CLEC12A: variants seen among roughly 807,000 people sequenced by gnomAD.
CLEC12A encodes the protein C-type lectin protein CLL-1.
A neutral mutation model predicts 26.5 loss-of-function variants in CLEC12A; 22 were observed. The ratio of observed to expected loss-of-function variants is 0.83; its 90% CI spans 0.59 to 1.19. The LOEUF (loss-of-function observed/expected upper bound fraction) is 1.19. Among genes scored for constraint, CLEC12A ranks in the 50% most tolerant of loss-of-function variants. The pLI, the probability that CLEC12A is intolerant of heterozygous loss-of-function variation, is 0.00. For synonymous variants in CLEC12A, 119 were observed against 101.9 expected, an observed-to-expected ratio of 1.17 and a Z score of -1.01; for missense variants, 353 against 315.6, an observed-to-expected ratio of 1.12 and a Z score of -0.90.
intron 5 of CLEC12A, among the ~76,000 whole-genome samples, chr12:9,983,240 T>G (rs954759633): frequency 6.6e-6 from 1 of 152,128 alleles, no homozygotes; most frequent in African/African-American, 2.4e-5. Context: ...CCATAGAGTT[T>G]ACACTAACTT....
chr12:9,997,903 A>G (rs2137244050), downstream of CLEC12A, among the ~76,000 whole-genome samples: 1 of 152,302 alleles, frequency 6.6e-6, no homozygotes, highest in South Asian at 2.1e-4. Flanking sequence ...TAGAATGAGA[A>G]AAATTTCAGA....
At chr12:9,957,300 C>T (rs1863756718) in intron 1 of CLEC12A, among the ~76,000 whole-genome samples, 1 of 151,884 alleles carries the variant, frequency 6.6e-6, no homozygotes, top group Non-Finnish European at 1.5e-5. Flanking sequence ...CTAGCCTGAC[C>T]AACATGGACA....
At position 9,961,502 on chromosome 12, in the gene CLEC12A, G is replaced by A. The variant is rs557437299; in HGVS notation, c.11-10075G>A. ...CAGAATAAAGCCAATCCTAGTCATA[G>A]CATTGCAACTTGTATCAGATGAAAG... On this transcript the variant is annotated intron_variant, in intron 1 of 6. Coordinates refer to the CLEC12A transcript ENST00000355690. Among the ~76,000 whole-genome samples, 77 of 152,240 alleles carry A rather than the reference G, an allele frequency of 5.1e-4. 2 individuals carry two copies. The South Asian group carries it at 0.015, about 29-fold the overall frequency.
At chr12:9,988,622 A>G (rs1173201633), downstream of CLEC12A, among the ~76,000 whole-genome samples, 1 of 152,264 alleles carries the variant, frequency 6.6e-6, no homozygotes, top group Non-Finnish European at 1.5e-5. Flanking sequence ...AGTGCTCATC[A>G]TCACTGGCCA....
chr12:9,966,908 A>G (rs1270961115), upstream of CLEC12A, among the ~76,000 whole-genome samples: 2 of 127,070 alleles, frequency 1.6e-5, no homozygotes, highest in Non-Finnish European at 3.3e-5. Flanking sequence ...ATTATATTTG[A>G]TGAAAAAGAG....
downstream of CLEC12A, among the ~76,000 whole-genome samples, chr12:9,998,698 A>G (rs1380362977): frequency 6.6e-6 from 1 of 151,996 alleles, no homozygotes; most frequent in African/African-American, 2.4e-5. Context: ...CATGCCATAA[A>G]TAATTGCTTT....
Position 9,985,283 on chromosome 12 carries a change from A to G in CLEC12A, c.*257A>G, listed in dbSNP as rs1864734546. 7.5e-6 allele frequency: 3 copies of G among 402,540 alleles called. No individual in the cohort carries two copies. Among genetic ancestry groups the G allele is most frequent in the Non-Finnish European group, 1.3e-5 (3 of 233,142 alleles). 24.9% of individuals were successfully genotyped at this position (402,540 alleles called of 1,614,324 possible). A position where few individuals can be genotyped will look rare whatever the true frequency, so the allele number is the denominator to read the frequency against. On this transcript the variant is annotated 3_prime_UTR_variant, in exon 6 of 6. Transcript: ENST00000304361. ...CTGGAGGAAGAGGAAGTCCATTCAG[A>G]TAGTTGTGGGGGGCCTTCGAATTTT...
chr12:9,973,039 T>G (rs1294163980), intron 1 of CLEC12A, among the ~76,000 whole-genome samples: 1 of 152,216 alleles, frequency 6.6e-6, no homozygotes, highest in Admixed American at 6.5e-5. Flanking sequence ...TTCATGTTCT[T>G]AATCTCATCT....
At chr12:9,963,648 AT>A (rs1427808945) in intron 1 of CLEC12A, among the ~76,000 whole-genome samples, 1 of 152,128 alleles carries the variant, frequency 6.6e-6, no homozygotes, top group African/African-American at 2.4e-5. Context: ...TGCAAATTGA[AT>A]TTTAGGAGTA....
chr12:9,964,815 T>A (rs1399414866), intron 1 of CLEC12A, among the ~76,000 whole-genome samples: 1 of 152,144 alleles, frequency 6.6e-6, no homozygotes, highest in East Asian at 1.9e-4. Flanking sequence ...GTGGAACTAC[T>A]ATGAATAAAC....
intron 1 of CLEC12A, among the ~76,000 whole-genome samples, chr12:9,974,258 G>T (rs1284428086): frequency 6.6e-6 from 1 of 152,052 alleles, no homozygotes; most frequent in Non-Finnish European, 1.5e-5. Context: ...CACCATGCCT[G>T]CCTCTCCTCA....
chr12:9,973,866 C>T (rs1009859093), intron 1 of CLEC12A, among the ~76,000 whole-genome samples: 1 of 151,946 alleles, frequency 6.6e-6, no homozygotes, highest in Non-Finnish European at 1.5e-5. Context: ...CTTTTTGGTG[C>T]ACCAACATAC....
intron 1 of CLEC12A, among the ~76,000 whole-genome samples, chr12:9,959,537 A>G (rs1257501133): frequency 6.6e-6 from 1 of 151,840 alleles, no homozygotes; most frequent in East Asian, 1.9e-4. Context: ...AATGGTAATG[A>G]GTCCCTGGCA....
the CLEC12A span, among the ~76,000 whole-genome samples, chr12:10,001,826 T>G: frequency 6.6e-6 from 1 of 152,138 alleles, no homozygotes; most frequent in African/African-American, 2.4e-5. Context: ...TGCTTGAATA[T>G]CTTATTCTCT....
At chr12:10,000,458 T>G (rs112933488), downstream of CLEC12A, among the ~76,000 whole-genome samples, 5,827 of 152,236 alleles carry the variant, frequency 0.038, 354 homozygotes, top group African/African-American at 0.13. Flanking sequence ...AAAGCCAAAC[T>G]TAGTATGATT....
rs5796376 is a variant in CLEC12A at position 9,961,994 on chromosome 12, AC to A, written c.11-9582del. Among the ~76,000 whole-genome samples the A allele has an allele frequency of 5.0e-3, 766 of 152,290 alleles. 25 individuals are homozygous for A. Among genetic ancestry groups the A allele is most frequent in the Admixed American group, 0.042 (650 of 15,304 alleles). On this transcript the variant is annotated intron_variant, in intron 1 of 6. Transcript: ENST00000355690. ...AGGTGGGAGAATCCTTCCCTACAGCACTAGGAAATGGATATGGAGTTGTTCT... is the reference window on the plus strand; with the variant it reads ...AGGTGGGAGAATCCTTCCCTACAGCATAGGAAATGGATATGGAGTTGTTCT...
At chr12:9,995,171 A>C in exon 5 of CLEC12A, 1 of 1,613,128 alleles carries the variant, frequency 6.2e-7, no homozygotes, top group Non-Finnish European at 8.5e-7. Flanking sequence ...CCATCCTCCC[A>C]CTTCCAGACC....
At chr12:9,974,496 T>C (rs1224090659) in intron 1 of CLEC12A, among the ~76,000 whole-genome samples, 1 of 152,222 alleles carries the variant, frequency 6.6e-6, no homozygotes, top group Non-Finnish European at 1.5e-5. Context: ...GGAGTTCTAA[T>C]CTCATTTTAA....
At chr12:9,957,354 G>T (rs1162531466) in intron 1 of CLEC12A, among the ~76,000 whole-genome samples, 2 of 152,040 alleles carry the variant, frequency 1.3e-5, no homozygotes, top group African/African-American at 4.8e-5. Context: ...TGGGTGTGGT[G>T]GTGCACGGCT....
Sources: gnomAD v4.1 joint callset for allele counts (sites outside exome capture counted in the v4.1 genomes callset) on GRCh38, gnomAD v4.1.1 for gene constraint, MANE v1.5 for transcripts, NCBI Gene and HGNC (gene_info 2026-07-23, HGNC 2026-07-21) for gene names.